Variants in IGSF21 observed in about 807,000 individuals in gnomAD.
IGSF21 encodes the protein immunoglobin superfamily member 21, also known as immunoglobulin superfamily member 21.
IGSF21 carries 28 observed loss-of-function variants against 46.8 expected under a neutral mutation model. That is an observed-to-expected ratio of 0.60 (90% CI 0.44 to 0.82). The LOEUF (loss-of-function observed/expected upper bound fraction) is 0.82, where lower values mean the gene tolerates loss of function less well. Among genes scored for constraint, IGSF21 ranks in the 40% least tolerant of loss-of-function variants. IGSF21 has a pLI of 0.00. For missense variants in IGSF21, 624 were observed against 665.5 expected, an observed-to-expected ratio of 0.94 and a Z score of 0.69; for synonymous variants, 284 against 273.6, an observed-to-expected ratio of 1.04 and a Z score of -0.38.
At chr1:18,151,442 G>A (rs977075520) in intron 1 of IGSF21, among the ~76,000 whole-genome samples, 8 of 152,184 alleles carry the variant, frequency 5.3e-5, no homozygotes, top group East Asian at 1.9e-4. Flanking sequence ...GCTGAAGAGT[G>A]AAGAGAAAGA....
intron 8 of IGSF21, 47 bp downstream of exon 8, chr1:18,377,039 G>T (rs2086290120): frequency 5.8e-6 from 9 of 1,540,642 alleles, no homozygotes; most frequent in Non-Finnish European, 7.9e-6. Flanking sequence ...ACAGGGGCGG[G>T]TCCTGTCTGG....
Position 18,322,273 on chromosome 1 carries a change from G to T in IGSF21, c.306-12619G>T, listed in dbSNP as rs2085610464. On this transcript the variant is annotated intron_variant, in intron 3 of 9. Transcript: ENST00000251296. This position sits in a 1 kb window ranked among gnomAD's most constrained non-coding sequence, Gnocchi z 4.3. ...GATGCTGACCTTGCCCACAGTAGGG[G>T]CACAGCCATGTTCATTGAAAAAAGA... Among the ~76,000 whole-genome samples, 1 of 151,856 alleles carries T rather than the reference G, an allele frequency of 6.6e-6. No homozygotes were observed. The highest frequency in any genetic ancestry group is 6.6e-5 in the Admixed American group (1 of 15,250).
intron 2 of IGSF21, among the ~76,000 whole-genome samples, chr1:18,266,360 T>A (rs1380302888): frequency 6.6e-6 from 1 of 152,236 alleles, no homozygotes; most frequent in Non-Finnish European, 1.5e-5. Context: ...TGTGATCTAT[T>A]ACCATGAACA....
chr1:18,186,117 G>A (rs577883602), intron 1 of IGSF21, among the ~76,000 whole-genome samples: 2 of 152,292 alleles, frequency 1.3e-5, no homozygotes, highest in South Asian at 4.2e-4. Flanking sequence ...CTCCCCAGAA[G>A]CCTGTATTCC....
chr1:18,310,909 C>T (rs554962571), intron 3 of IGSF21, among the ~76,000 whole-genome samples: 3 of 152,160 alleles, frequency 2.0e-5, no homozygotes, highest in Non-Finnish European at 2.9e-5. Context: ...GGCGTTCTCC[C>T]GCTGTGTGTC....
chr1:18,255,414 G>T (rs2084882748), intron 2 of IGSF21, among the ~76,000 whole-genome samples: 1 of 152,096 alleles, frequency 6.6e-6, no homozygotes, highest in African/African-American at 2.4e-5. Flanking sequence ...CTGTGATTGG[G>T]ACAGACATGG....
In IGSF21 at chr1:18,169,210, T is replaced by A. The variant is rs371156489; in HGVS notation, c.71-58688T>A. Among the ~76,000 whole-genome samples the A allele has an allele frequency of 7.2e-5, 11 of 152,296 alleles. 1 individual carries two copies. Among genetic ancestry groups the A allele is most frequent in the African/African-American group, 2.6e-4 (11 of 41,582 alleles). On this transcript the variant is annotated intron_variant, in intron 1 of 9. Coordinates refer to ENST00000251296, the MANE Select transcript of IGSF21 (RefSeq NM_032880.5). Reference sequence around the variant, plus strand: ...CCAGGCAGAGACTCCCCAGATCAGATCCCCACCAGCTGGATCCGCCATGGA... The same window carrying A: ...CCAGGCAGAGACTCCCCAGATCAGAACCCCACCAGCTGGATCCGCCATGGA...
At chr1:18,281,585 G>T (rs909460029) in intron 2 of IGSF21, among the ~76,000 whole-genome samples, 2 of 149,488 alleles carry the variant, frequency 1.3e-5, no homozygotes, top group Admixed American at 6.6e-5. Flanking sequence ...AAAAAAAAGA[G>T]TGGCTGTCAT....
At chr1:18,375,681 G>A (rs2086273250) in intron 6 of IGSF21, among the ~76,000 whole-genome samples, 1 of 152,138 alleles carries the variant, frequency 6.6e-6, no homozygotes, top group South Asian at 2.1e-4. Flanking sequence ...AATCCCACTG[G>A]GAAGATTAAC....
intron 1 of IGSF21, among the ~76,000 whole-genome samples, chr1:18,120,991 T>A (rs1473167467): frequency 6.6e-6 from 1 of 152,120 alleles, no homozygotes; most frequent in Non-Finnish European, 1.5e-5. Context: ...CCACCCTATT[T>A]CACACGGAGA....
intron 3 of IGSF21, among the ~76,000 whole-genome samples, chr1:18,319,073 T>A (rs547016435): frequency 1.3e-5 from 2 of 152,324 alleles, no homozygotes; most frequent in Admixed American, 6.5e-5. Flanking sequence ...TTAAACTAGA[T>A]AAGAGTTTAT....
intron 2 of IGSF21, among the ~76,000 whole-genome samples, chr1:18,258,450 G>A (rs984791720): frequency 6.6e-6 from 1 of 152,210 alleles, no homozygotes; most frequent in Non-Finnish European, 1.5e-5. Flanking sequence ...GCAAAGCCCA[G>A]TAGGATGGTA....
chr1:18,328,093 G>A (rs1371405064), intron 3 of IGSF21, among the ~76,000 whole-genome samples: 2 of 152,204 alleles, frequency 1.3e-5, no homozygotes, highest in East Asian at 3.9e-4. Context: ...ACTGGAGGCA[G>A]ATTCCAGAGA....
intron 1 of IGSF21, among the ~76,000 whole-genome samples, chr1:18,123,943 C>T (rs568773737): frequency 2.0e-5 from 3 of 152,166 alleles, no homozygotes; most frequent in Non-Finnish European, 2.9e-5. Context: ...ACTCTGCTGG[C>T]CCCACCCTGG....
At chr1:18,172,867 C>A (rs1272325554) in intron 1 of IGSF21, among the ~76,000 whole-genome samples, 1 of 152,188 alleles carries the variant, frequency 6.6e-6, no homozygotes, top group African/African-American at 2.4e-5. Flanking sequence ...GAAGTCTGCA[C>A]TTTAAAGTGT....
At chr1:18,256,163 C>T (rs2084890532) in intron 2 of IGSF21, among the ~76,000 whole-genome samples, 2 of 152,146 alleles carry the variant, frequency 1.3e-5, no homozygotes, top group African/African-American at 2.4e-5. Flanking sequence ...CCTCCCTGAC[C>T]TCTGGGTCTT....
At chr1:18,244,600 T>A (rs2084766722) in intron 2 of IGSF21, among the ~76,000 whole-genome samples, 1 of 152,220 alleles carries the variant, frequency 6.6e-6, no homozygotes, top group Non-Finnish European at 1.5e-5. Flanking sequence ...AGCCTGTTGC[T>A]TCATCTTTCA....
At chr1:18,240,574 G>A (rs1016482783) in intron 2 of IGSF21, among the ~76,000 whole-genome samples, 53 of 152,210 alleles carry the variant, frequency 3.5e-4, no homozygotes, top group Admixed American at 2.0e-4. Flanking sequence ...CTAGCATGAT[G>A]CTGAGCACAT....
intron 4 of IGSF21, among the ~76,000 whole-genome samples, chr1:18,355,152 C>A (rs2086002360): frequency 6.6e-6 from 1 of 152,106 alleles, no homozygotes; most frequent in Admixed American, 6.5e-5. Context: ...TGGGAGCGGA[C>A]CTCATGGAAG....
Sources: allele counts gnomAD v4.1 joint callset (sites outside exome capture counted in the v4.1 genomes callset), GRCh38; gene constraint gnomAD v4.1.1; non-coding constraint Gnocchi (gnomAD v3.1); transcripts MANE v1.5; gene names NCBI Gene and HGNC (gene_info 2026-07-23, HGNC 2026-07-21).